The following SGCZ variants were observed in gnomAD, a reference collection of about 807,000 sequenced individuals.
The protein encoded by SGCZ is zeta-sarcoglycan.
Under a neutral mutation model 41.3 loss-of-function variants are expected in SGCZ, and 40 were observed. The ratio of observed to expected loss-of-function variants is 0.97; its 90% CI spans 0.75 to 1.26. The LOEUF (loss-of-function observed/expected upper bound fraction) is 1.26. SGCZ is among the 50% of genes most tolerant of loss of function. SGCZ has a pLI of 0.00. For synonymous variants in SGCZ, 206 were observed against 137.5 expected (o/e 1.50, Z -3.49); for missense variants, 552 against 369.8 (o/e 1.49, Z -4.04).
intron 1 of SGCZ, among the ~76,000 whole-genome samples, chr8:14,769,791 AT>A (rs1177519768): frequency 7.0e-6 from 1 of 143,536 alleles, no homozygotes; most frequent in Non-Finnish European, 1.5e-5. Context: ...GCAAAACACC[AT>A]TAAAAAAAAA....
intron 1 of SGCZ, among the ~76,000 whole-genome samples, chr8:15,105,162 A>T (rs1348752816): frequency 6.6e-6 from 1 of 152,216 alleles, no homozygotes; most frequent in Non-Finnish European, 1.5e-5. Flanking sequence ...CCAAAAGTCT[A>T]TTCAAGACCT....
intron 2 of SGCZ, among the ~76,000 whole-genome samples, chr8:14,497,492 C>T (rs1415248030): frequency 2.6e-5 from 4 of 152,012 alleles, no homozygotes; most frequent in Non-Finnish European, 5.9e-5. Flanking sequence ...TGAATGTGGC[C>T]CAACAAGAAG....
intron 5 of SGCZ, among the ~76,000 whole-genome samples, chr8:14,149,761 A>T (rs1563154705): frequency 6.6e-6 from 1 of 152,180 alleles, no homozygotes; most frequent in Middle Eastern, 3.4e-3. Flanking sequence ...GTAATACATC[A>T]CCTGACTTCA....
At chr8:14,784,913 A>AAAAAAATAT (rs1408574493) in intron 1 of SGCZ, among the ~76,000 whole-genome samples, 52 of 88,004 alleles carry the variant, frequency 5.9e-4, no homozygotes, top group African/African-American at 2.4e-3. Context: ...AAAAAAAAAA[A>AAAAAAATAT]ATATATATAT....
At chr8:15,229,106 C>A (rs1474746757) in intron 1 of SGCZ, among the ~76,000 whole-genome samples, 1 of 151,984 alleles carries the variant, frequency 6.6e-6, no homozygotes, top group Non-Finnish European at 1.5e-5. Flanking sequence ...GTGGGAGAAT[C>A]GCTTGAACCC....
chr8:14,261,314 T>A (rs931269568), intron 3 of SGCZ, among the ~76,000 whole-genome samples: 15 of 152,184 alleles, frequency 9.9e-5, no homozygotes, highest in African/African-American at 3.4e-4. Flanking sequence ...TGATGCTTAT[T>A]AAAATGTTTA....
intron 1 of SGCZ, among the ~76,000 whole-genome samples, chr8:14,942,358 C>G (rs538618907): frequency 6.6e-6 from 1 of 152,108 alleles, no homozygotes; most frequent in Non-Finnish European, 1.5e-5. Context: ...TTTCAGTGGT[C>G]TGAAGAAATT....
At chr8:14,239,032 G>GA (rs1554485029) in intron 3 of SGCZ, among the ~76,000 whole-genome samples, 4 of 150,272 alleles carry the variant, frequency 2.7e-5, no homozygotes, top group African/African-American at 7.3e-5. Context: ...AAAAAGTCTA[G>GA]TTTTTTTTTC....
intron 3 of SGCZ, among the ~76,000 whole-genome samples, chr8:14,292,952 T>C (rs1294973849): frequency 6.6e-6 from 1 of 152,044 alleles, no homozygotes; most frequent in African/African-American, 2.4e-5. Flanking sequence ...GTATAACATC[T>C]AGAAAACTTT....
chr8:15,149,178 T>G (rs1799112587), intron 1 of SGCZ, among the ~76,000 whole-genome samples: 2 of 151,844 alleles, frequency 1.3e-5, no homozygotes, highest in Admixed American at 1.3e-4. Flanking sequence ...TTATTCTTAT[T>G]TTTTTTTATT....
chr8:14,817,358 A>G (rs1356569185), intron 1 of SGCZ, among the ~76,000 whole-genome samples: 1 of 152,132 alleles, frequency 6.6e-6, no homozygotes, highest in Non-Finnish European at 1.5e-5. Context: ...AATCTTTACT[A>G]TAAGAGAGCC....
At chr8:14,997,538 C>T (rs1667357614) in intron 1 of SGCZ, among the ~76,000 whole-genome samples, 1 of 152,164 alleles carries the variant, frequency 6.6e-6, no homozygotes, top group South Asian at 2.1e-4. Flanking sequence ...AATCGAGCTG[C>T]AATGCTTCAA....
At position 15,174,204 on chromosome 8, in the gene SGCZ, G is replaced by A. The variant is rs1285189529; in HGVS notation, c.39+63381C>T. ...ATCCTCAAGGATTTAAATAGGACTA[G>A]CGAAACTCACCAGCAACTAAACTGT... On this transcript the variant is annotated intron_variant, in intron 1 of 7. Coordinates refer to ENST00000382080, the MANE Select transcript of SGCZ (RefSeq NM_139167.4). Among the ~76,000 whole-genome samples, 3 of 152,150 alleles carry A rather than the reference G, an allele frequency of 2.0e-5. No individual in the cohort carries two copies. In the East Asian group the frequency reaches 5.8e-4, roughly 29 times the overall value.
chr8:14,409,522 G>A (rs1221044813), intron 2 of SGCZ, among the ~76,000 whole-genome samples: 1 of 151,990 alleles, frequency 6.6e-6, no homozygotes, highest in Non-Finnish European at 1.5e-5. Flanking sequence ...TTACATGGCT[G>A]CCTCATAAGA....
chr8:14,552,407 G>GT, intron 2 of SGCZ, among the ~76,000 whole-genome samples: 1 of 152,044 alleles, frequency 6.6e-6, no homozygotes, highest in South Asian at 2.1e-4. Context: ...AACTTCATCT[G>GT]TGCATTTTAC....
intron 1 of SGCZ, among the ~76,000 whole-genome samples, chr8:14,838,041 G>C (rs191710360): frequency 2.0e-5 from 3 of 152,010 alleles, no homozygotes; most frequent in Non-Finnish European, 4.4e-5. Context: ...CATTTGCCAC[G>C]ACGTGGACAG....
At chr8:14,854,053 A>C (rs1344885691) in intron 1 of SGCZ, among the ~76,000 whole-genome samples, 1 of 129,708 alleles carries the variant, frequency 7.7e-6, no homozygotes, top group Non-Finnish European at 1.6e-5. Flanking sequence ...ATATATATAT[A>C]TATCCTTTTG....
intron 1 of SGCZ, among the ~76,000 whole-genome samples, chr8:14,817,256 C>G (rs1801933856): frequency 6.6e-6 from 1 of 152,098 alleles, no homozygotes; most frequent in Admixed American, 6.6e-5. Flanking sequence ...TCTCACCTAA[C>G]AGGATCAGCT....
At chr8:15,133,369 T>G (rs988456119) in intron 1 of SGCZ, among the ~76,000 whole-genome samples, 2 of 152,170 alleles carry the variant, frequency 1.3e-5, no homozygotes, top group African/African-American at 4.8e-5. Flanking sequence ...CAAACATCAG[T>G]GAAGCTAGCA....
Sources: allele counts gnomAD v4.1 joint callset (sites outside exome capture counted in the v4.1 genomes callset), GRCh38; gene constraint gnomAD v4.1.1; transcripts MANE v1.5; gene names NCBI Gene and HGNC (gene_info 2026-07-23, HGNC 2026-07-21).